The following CACNB4 variants were observed in gnomAD, a reference collection of about 807,000 sequenced individuals.
The protein encoded by CACNB4 is voltage-dependent L-type calcium channel subunit beta-4.
In CACNB4, 32 loss-of-function variants were observed where a neutral mutation model predicts 71.2. The ratio of observed to expected loss-of-function variants is 0.45; its 90% CI spans 0.34 to 0.60. CACNB4 has a LOEUF of 0.60. Ranked by LOEUF, CACNB4 falls within the 20% of genes least tolerant of loss-of-function variation. The pLI is 0.01. For missense variants in CACNB4, 464 were observed against 647.9 expected, an observed-to-expected ratio of 0.72 and a Z score of 3.08; for synonymous variants, 231 against 236.9, an observed-to-expected ratio of 0.97 and a Z score of 0.23.
chr2:152,017,656 C>A (rs1006171716), intron 2 of CACNB4, among the ~76,000 whole-genome samples: 1 of 150,946 alleles, frequency 6.6e-6, no homozygotes, highest in Non-Finnish European at 1.5e-5. Context: ...TGCAGTGAGC[C>A]GAGATCATGC....
chr2:151,960,511 A>C (rs1013449661), intron 2 of CACNB4, among the ~76,000 whole-genome samples: 2 of 152,180 alleles, frequency 1.3e-5, no homozygotes, highest in South Asian at 2.1e-4. Context: ...CTGGGCACAT[A>C]ACCACCACCA....
At chr2:152,038,660 A>G (rs1175738365) in intron 2 of CACNB4, among the ~76,000 whole-genome samples, 1 of 152,214 alleles carries the variant, frequency 6.6e-6, no homozygotes, top group East Asian at 1.9e-4. Context: ...CACAAAAGAC[A>G]TGGCAATAAA....
intron 2 of CACNB4, among the ~76,000 whole-genome samples, chr2:152,047,873 TGGG>T (rs1393340653): frequency 2.0e-5 from 3 of 152,208 alleles, no homozygotes; most frequent in Non-Finnish European, 4.4e-5. Context: ...CACTCCAGCC[TGGG>T]TGACAAGGCA....
At position 151,834,509 on chromosome 2, in the gene CACNB4, A is replaced by G. The variant is rs1230377839; in HGVS notation, c.*4610T>C. ...AATTAATCATTACAAGTAAAAAGAG[A>G]TAGCTGCTATCAGAGGATGTATTTT... On this transcript the variant is annotated 3_prime_UTR_variant, in exon 14 of 14. Transcript: ENST00000539935. 1.3e-5 allele frequency: 2 copies of G among 152,026 alleles called. No individual in the cohort carries two copies. The highest frequency in any genetic ancestry group is 4.8e-5 in the African/African-American group (2 of 41,452). 9.4% of individuals were successfully genotyped at this position (152,026 alleles called of 1,614,324 possible). A position where few individuals can be genotyped will look rare whatever the true frequency, so the allele number is the denominator to read the frequency against.
intron 2 of CACNB4, among the ~76,000 whole-genome samples, chr2:151,944,220 T>G (rs2099865001): frequency 1.3e-5 from 2 of 151,970 alleles, no homozygotes; most frequent in Admixed American, 6.6e-5. Flanking sequence ...TAACTTTTTT[T>G]GTAGAGATGG....
intron 2 of CACNB4, among the ~76,000 whole-genome samples, chr2:152,082,552 C>T (rs1687419213): frequency 6.6e-6 from 1 of 152,140 alleles, no homozygotes; most frequent in Non-Finnish European, 1.5e-5. Context: ...AATGAGTTGA[C>T]CACATACATC....
At chr2:152,088,341 C>G (rs985187140) in intron 2 of CACNB4, among the ~76,000 whole-genome samples, 1 of 152,120 alleles carries the variant, frequency 6.6e-6, no homozygotes, top group Non-Finnish European at 1.5e-5. Context: ...TTTATCTGCA[C>G]AAGTTACTAT....
intron 2 of CACNB4, among the ~76,000 whole-genome samples, chr2:151,926,523 T>A (rs1356563399): frequency 6.6e-6 from 1 of 151,986 alleles, no homozygotes; most frequent in East Asian, 1.9e-4. Context: ...AAAATGAGGG[T>A]CCCCAAAGAA....
At chr2:151,947,594 G>A (rs115063232) in intron 2 of CACNB4, among the ~76,000 whole-genome samples, 32 of 152,200 alleles carry the variant, frequency 2.1e-4, no homozygotes, top group African/African-American at 7.5e-4. Context: ...TTTCAAAAGC[G>A]CTGCCAGAAA....
intron 2 of CACNB4, among the ~76,000 whole-genome samples, chr2:151,974,642 A>G (rs970349069): frequency 1.3e-5 from 2 of 152,176 alleles, no homozygotes; most frequent in East Asian, 1.9e-4. Context: ...CTTCCCATGC[A>G]CAAATCTTTA....
chr2:152,056,086 G>A (rs1179529197), intron 2 of CACNB4, among the ~76,000 whole-genome samples: 1 of 152,142 alleles, frequency 6.6e-6, no homozygotes, highest in Non-Finnish European at 1.5e-5. Flanking sequence ...TTTTCGGCTG[G>A]GCACGGTGGC....
At chr2:151,945,690 T>C (rs1270444513) in intron 2 of CACNB4, among the ~76,000 whole-genome samples, 1 of 152,026 alleles carries the variant, frequency 6.6e-6, no homozygotes, top group Non-Finnish European at 1.5e-5. Context: ...ATGGCGATAA[T>C]GTTAGTACAT....
In CACNB4 at chr2:151,880,894, G is replaced by A; in HGVS notation, c.296C>T (p.Thr99Ile). ...CAGGGCGCCGCAGTAGCTCACATTT[G>A]TCTTCACGGCAAATGCTACAGGTTT... ...KSKPVAFAVK[T>I]NVSYCGALDE... Residue 99 changes from threonine to isoleucine, a missense_variant, in exon 4 of 14, where the codon ACA (threonine) becomes ATA (isoleucine). By Grantham distance (89) the Thr-to-Ile change is moderately conservative (BLOSUM62 -1). This residue lies in a region of CACNB4 where 299 missense variants were observed against 471.7 expected (regional missense o/e 0.63). Transcript: ENST00000539935. 2 of 1,613,288 alleles carry A rather than the reference G, an allele frequency of 1.2e-6. No homozygotes were observed. The highest frequency in any genetic ancestry group is 1.7e-5 in the Admixed American group (1 of 59,954).
chr2:151,914,157 G>C (rs908252566), intron 2 of CACNB4, among the ~76,000 whole-genome samples: 1 of 152,018 alleles, frequency 6.6e-6, no homozygotes, highest in Admixed American at 6.6e-5. Flanking sequence ...ATATTTCTTG[G>C]AGGCTTTGTT....
intron 2 of CACNB4, among the ~76,000 whole-genome samples, chr2:152,001,257 G>A (rs867606052): frequency 6.6e-6 from 1 of 152,094 alleles, no homozygotes; most frequent in Admixed American, 6.5e-5. Flanking sequence ...GTGCCAAGGG[G>A]TGGTGGAAGG....
chr2:151,841,655 G>A, intron 13 of CACNB4: 1 of 432,626 alleles, frequency 2.3e-6, no homozygotes, highest in East Asian at 4.6e-5. Flanking sequence ...AGACATAGGA[G>A]GAGTTAATTT....
At chr2:151,882,390 G>A (rs1296436803) in intron 3 of CACNB4, among the ~76,000 whole-genome samples, 1 of 151,862 alleles carries the variant, frequency 6.6e-6, no homozygotes, top group Non-Finnish European at 1.5e-5. Context: ...AAATAGAAAA[G>A]GGAAGGAATT....
At chr2:152,088,634 C>T (rs1391851792) in intron 2 of CACNB4, among the ~76,000 whole-genome samples, 1 of 152,182 alleles carries the variant, frequency 6.6e-6, no homozygotes, top group African/African-American at 2.4e-5. Context: ...GAAATAGACA[C>T]GATTTGTCAT....
intron 2 of CACNB4, among the ~76,000 whole-genome samples, chr2:152,046,799 T>C (rs1235495357): frequency 1.3e-5 from 2 of 152,164 alleles, no homozygotes; most frequent in Admixed American, 6.5e-5. Flanking sequence ...CACAGGGTTA[T>C]CATCACAGGC....
Sources: gnomAD v4.1 joint callset for allele counts (sites outside exome capture counted in the v4.1 genomes callset) on GRCh38, gnomAD v4.1.1 for gene constraint, gnomAD v4.1.1 regional missense constraint, MANE v1.5 for transcripts, NCBI Gene and HGNC (gene_info 2026-07-23, HGNC 2026-07-21) for gene names.